The following LATS2 variants were observed in gnomAD, a reference collection of about 807,000 sequenced individuals.
The protein encoded by LATS2 is serine/threonine-protein kinase LATS2.
Under a neutral mutation model 76.0 loss-of-function variants are expected in LATS2, and 24 were observed. The ratio of observed to expected loss-of-function variants is 0.32; its 90% confidence interval spans 0.23 to 0.44. The LOEUF is 0.44. Among genes scored for constraint, LATS2 ranks in the 20% least tolerant of loss-of-function variants. The pLI, the probability that LATS2 is intolerant of heterozygous loss-of-function variation, is 1.00. For missense variants in LATS2, 1,286 were observed against 1,481.2 expected (o/e 0.87, Z 2.16); for synonymous variants, 692 against 635.4 (o/e 1.09, Z -1.34).
chr13:21,058,777 T>C (rs1159634945), intron 1 of LATS2, among the ~76,000 whole-genome samples: 7 of 152,254 alleles, frequency 4.6e-5, no homozygotes, highest in Non-Finnish European at 7.3e-5. Flanking sequence ...TGCTGGTATA[T>C]TCATTACACT....
intron 1 of LATS2, among the ~76,000 whole-genome samples, chr13:21,060,668 G>A (rs1873608777): frequency 6.6e-6 from 1 of 151,614 alleles, no homozygotes; most frequent in Admixed American, 6.6e-5. Flanking sequence ...GTGAGGCGGC[G>A]CAGCCACCGG....
chr13:20,977,841 G>A (rs907387063), intron 7 of LATS2, among the ~76,000 whole-genome samples: 20 of 152,072 alleles, frequency 1.3e-4, no homozygotes, highest in Non-Finnish European at 2.5e-4. Context: ...CATTCAATTA[G>A]GGCGCAGATA....
At chr13:21,059,802 C>G (rs1873568197) in intron 1 of LATS2, among the ~76,000 whole-genome samples, 1 of 151,946 alleles carries the variant, frequency 6.6e-6, no homozygotes, top group Non-Finnish European at 1.5e-5. Context: ...CCCGTCTCTA[C>G]TAAAAAATAC....
intron 2 of LATS2, among the ~76,000 whole-genome samples, chr13:21,009,810 AG>A (rs1871510973): frequency 6.6e-6 from 1 of 152,210 alleles, no homozygotes; most frequent in South Asian, 2.1e-4. Flanking sequence ...GCCTCCCTGG[AG>A]GTCTATATGA....
At chr13:21,019,038 G>A (rs573056605) in intron 2 of LATS2, among the ~76,000 whole-genome samples, 13 of 152,190 alleles carry the variant, frequency 8.5e-5, no homozygotes, top group African/African-American at 1.9e-4. Flanking sequence ...AGCTCTGTAC[G>A]TGGGAACCAG....
At chr13:21,056,150 G>T (rs57142578) in intron 1 of LATS2, among the ~76,000 whole-genome samples, 2 of 150,268 alleles carry the variant, frequency 1.3e-5, no homozygotes, top group Admixed American at 6.6e-5. Context: ...TTTTTTTGGT[G>T]GGGGGGGCAG....
At chr13:21,055,926 G>A (rs1873433537) in intron 1 of LATS2, among the ~76,000 whole-genome samples, 1 of 152,202 alleles carries the variant, frequency 6.6e-6, no homozygotes, top group African/African-American at 2.4e-5. Flanking sequence ...GTCAAGCCAG[G>A]AAGCCACAGG....
chr13:20,982,415 G>A (rs949318236), intron 5 of LATS2, among the ~76,000 whole-genome samples: 2 of 152,308 alleles, frequency 1.3e-5, no homozygotes, highest in South Asian at 2.1e-4. Context: ...GGGTTCAAGC[G>A]ATTCTCATGC....
intron 2 of LATS2, among the ~76,000 whole-genome samples, chr13:21,024,276 T>TA (rs976342366): frequency 4.0e-5 from 6 of 149,346 alleles, no homozygotes; most frequent in African/African-American, 1.5e-4. Context: ...CTACTAAAAA[T>TA]AAAAAAAAAT....
intron 2 of LATS2, among the ~76,000 whole-genome samples, chr13:21,006,885 C>G (rs1871285770): frequency 6.6e-6 from 1 of 152,178 alleles, no homozygotes; most frequent in African/African-American, 2.4e-5. Context: ...CGTGAGTGCC[C>G]AGGGAAAGGG....
intron 2 of LATS2, among the ~76,000 whole-genome samples, chr13:21,025,454 G>C (rs1262989504): frequency 6.6e-6 from 1 of 151,524 alleles, no homozygotes; most frequent in Non-Finnish European, 1.5e-5. Context: ...GTTGGCACCT[G>C]AGGGGGTCGG....
intron 3 of LATS2, among the ~76,000 whole-genome samples, chr13:20,990,754 G>A (rs1870472519): frequency 2.0e-5 from 3 of 152,134 alleles, no homozygotes; most frequent in Admixed American, 2.0e-4. Flanking sequence ...GTAAAAAGCA[G>A]GGGTTTGGTG....
intron 1 of LATS2, among the ~76,000 whole-genome samples, chr13:21,051,366 T>G (rs1873269915): frequency 6.6e-6 from 1 of 152,142 alleles, no homozygotes; most frequent in East Asian, 1.9e-4. Context: ...AAATACACTA[T>G]AGGGTATGTG....
chr13:21,042,372 T>C (rs921631028), intron 2 of LATS2, among the ~76,000 whole-genome samples: 1 of 152,170 alleles, frequency 6.6e-6, no homozygotes, highest in Non-Finnish European at 1.5e-5. Flanking sequence ...TGCTTAGAAA[T>C]TGTGCACTTT....
intron 2 of LATS2, among the ~76,000 whole-genome samples, chr13:21,032,997 G>A (rs1872583350): frequency 6.6e-6 from 1 of 152,142 alleles, no homozygotes; most frequent in Non-Finnish European, 1.5e-5. Flanking sequence ...CAGATTGGAA[G>A]AGGATGGTGA....
rs370816273 is a variant in LATS2 at position 21,021,458 on chromosome 13, G to A, written c.342+24227C>T. ...ACTGCACTCCAGAGCCCGGGCAGCA[G>A]AGTGAGACTCTGTCTCAAAAAAAAA... On this transcript the variant is annotated intron_variant, in intron 2 of 7. Transcript: ENST00000382592. Among the ~76,000 whole-genome samples the A allele has an allele frequency of 1.7e-3, 202 of 115,996 alleles. 1 individual carries two copies. Among genetic ancestry groups the A allele is most frequent in the African/African-American group, 5.9e-3 (183 of 31,246 alleles). 76.1% of individuals were successfully genotyped at this position (115,996 alleles called of 152,430 possible).
intron 2 of LATS2, among the ~76,000 whole-genome samples, chr13:21,031,205 C>T (rs1872519853): frequency 6.6e-6 from 1 of 152,172 alleles, no homozygotes; most frequent in African/African-American, 2.4e-5. Flanking sequence ...TCATCCTGCT[C>T]TTGGTTTATT....
intron 1 of LATS2, among the ~76,000 whole-genome samples, chr13:21,055,435 C>T (rs1478350899): frequency 6.6e-6 from 1 of 152,162 alleles, no homozygotes; most frequent in Non-Finnish European, 1.5e-5. Context: ...TAACAACTCA[C>T]AAAACAAAAA....
At chr13:21,013,403 A>T (rs948197348) in intron 2 of LATS2, among the ~76,000 whole-genome samples, 8 of 152,344 alleles carry the variant, frequency 5.3e-5, no homozygotes, top group Middle Eastern at 3.4e-3. Flanking sequence ...TACCTTATAA[A>T]AGTAAAAATT....
Sources: allele counts gnomAD v4.1 joint callset (sites outside exome capture counted in the v4.1 genomes callset), GRCh38; gene constraint gnomAD v4.1.1; transcripts MANE v1.5; gene names NCBI Gene and HGNC (gene_info 2026-07-23, HGNC 2026-07-21).